RPTOR: variants seen among roughly 807,000 people sequenced by gnomAD.
The protein encoded by RPTOR is regulatory associated protein of MTOR complex 1, also known as regulatory-associated protein of mTOR.
A neutral mutation model predicts 169.9 loss-of-function variants in RPTOR; 21 were observed. The ratio of observed to expected loss-of-function variants is 0.12; its 90% CI spans 0.09 to 0.18. The LOEUF is 0.18. Ranked by LOEUF, RPTOR falls within the 10% of genes least tolerant of loss-of-function variation. The pLI is 1.00. For missense variants in RPTOR, 1,133 were observed against 1,855.9 expected, an observed-to-expected ratio of 0.61 and a Z score of 7.16; for synonymous variants, 732 against 753.2, an observed-to-expected ratio of 0.97 and a Z score of 0.46.
intron 1 of RPTOR, among the ~76,000 whole-genome samples, chr17:80,555,418 C>T (rs755647594): frequency 2.7e-4 from 41 of 152,220 alleles, no homozygotes; most frequent in African/African-American, 8.7e-4. Flanking sequence ...GATGCACCAC[C>T]GCCCACCCAG....
intron 9 of RPTOR, among the ~76,000 whole-genome samples, chr17:80,825,952 C>T (rs969867473): frequency 1.3e-5 from 2 of 152,110 alleles, no homozygotes; most frequent in Admixed American, 1.3e-4. Flanking sequence ...TGACACTGCT[C>T]GTGAGTGGAG....
intron 3 of RPTOR, among the ~76,000 whole-genome samples, chr17:80,689,395 G>A (rs1400567274): frequency 2.6e-5 from 4 of 152,232 alleles, no homozygotes; most frequent in African/African-American, 7.2e-5. Flanking sequence ...CCTGACATCC[G>A]TCTTTCCGAA....
At chr17:80,619,944 C>T (rs897007891) in intron 1 of RPTOR, among the ~76,000 whole-genome samples, 3 of 152,146 alleles carry the variant, frequency 2.0e-5, no homozygotes, top group African/African-American at 7.2e-5. Context: ...TCCAAAGTGC[C>T]GTGGAGATCT....
chr17:80,918,470 G>GAGCACCCTCGCCA (rs2068703647), intron 21 of RPTOR, among the ~76,000 whole-genome samples: 1 of 101,694 alleles, frequency 9.8e-6, no homozygotes, highest in Admixed American at 1.0e-4. Flanking sequence ...CACCCTCGCC[G>GAGCACCCTCGCCA]GAGTCATAGC....
intron 1 of RPTOR, among the ~76,000 whole-genome samples, chr17:80,548,223 A>G (rs185199867): frequency 7.3e-4 from 110 of 151,380 alleles, no homozygotes; most frequent in Middle Eastern, 3.4e-3. Context: ...AGCTGAGACT[A>G]TAAGTGTGCG....
intron 5 of RPTOR, among the ~76,000 whole-genome samples, chr17:80,739,377 C>T (rs555317102): frequency 1.4e-4 from 21 of 152,284 alleles, no homozygotes; most frequent in Admixed American, 9.1e-4. Context: ...AGTCCGTCTG[C>T]GCAGAAGGCA....
intron 13 of RPTOR, among the ~76,000 whole-genome samples, chr17:80,859,719 C>T (rs1474900379): frequency 4.6e-5 from 7 of 152,214 alleles, no homozygotes; most frequent in Admixed American, 2.0e-4. Context: ...GCTGTGTGCA[C>T]GTGTGTGCGG....
intron 4 of RPTOR, among the ~76,000 whole-genome samples, chr17:80,729,051 C>T (rs1036241071): frequency 6.6e-6 from 1 of 152,200 alleles, no homozygotes; most frequent in Admixed American, 6.5e-5. Context: ...CGTTGGTATA[C>T]TGTATCATCA....
intron 14 of RPTOR, 101 bp downstream of exon 14, chr17:80,880,590 GA>G: frequency 8.8e-7 from 1 of 1,135,338 alleles, no homozygotes; most frequent in East Asian, 2.5e-5. Flanking sequence ...GGCTACAGGA[GA>G]AAGGTCAAGG....
chr17:80,567,806 A>T (rs978376737), intron 1 of RPTOR, among the ~76,000 whole-genome samples: 2 of 148,286 alleles, frequency 1.3e-5, no homozygotes, highest in African/African-American at 2.6e-5. Flanking sequence ...AATAAATAAA[A>T]TAAATAAATA....
At chr17:80,892,426 C>T (rs2068337602) in intron 18 of RPTOR, among the ~76,000 whole-genome samples, 4 of 152,234 alleles carry the variant, frequency 2.6e-5, no homozygotes, top group Admixed American at 2.6e-4. Flanking sequence ...GAGCACGGCT[C>T]ACGGCCCACG....
intron 9 of RPTOR, among the ~76,000 whole-genome samples, chr17:80,836,431 A>T (rs2067565225): frequency 6.6e-6 from 1 of 152,152 alleles, no homozygotes; most frequent in Non-Finnish European, 1.5e-5. Context: ...GATGTCTGTA[A>T]TTCAGCGTGT....
intron 21 of RPTOR, among the ~76,000 whole-genome samples, chr17:80,913,142 T>A (rs1397020377): frequency 6.6e-6 from 1 of 152,214 alleles, no homozygotes; most frequent in Non-Finnish European, 1.5e-5. Flanking sequence ...AATGCCTTAT[T>A]TTCCTGCTCT....
At chr17:80,625,610 G>A (rs1442551995) in intron 1 of RPTOR, 81 bp from the exon 2 acceptor site, 1 of 1,105,672 alleles carries the variant, frequency 9.0e-7, no homozygotes, top group Admixed American at 1.8e-5. Flanking sequence ...AATGTTCTGG[G>A]GGACATTTTA....
intron 1 of RPTOR, among the ~76,000 whole-genome samples, chr17:80,552,727 G>A (rs4890042): frequency 0.97 from 147,231 of 152,386 alleles, 71,142 homozygotes; most frequent in East Asian, 1. Context: ...TGACGTTTTA[G>A]TTGAATGGCT....
chr17:80,717,566 C>T (rs1245025873), intron 4 of RPTOR, among the ~76,000 whole-genome samples: 1 of 152,126 alleles, frequency 6.6e-6, no homozygotes, highest in Non-Finnish European at 1.5e-5. Context: ...ATCTAGACAG[C>T]CATAAGCTGC....
intron 23 of RPTOR, among the ~76,000 whole-genome samples, chr17:80,924,528 C>T (rs2068787961): frequency 6.6e-6 from 1 of 152,170 alleles, no homozygotes; most frequent in Non-Finnish European, 1.5e-5. Flanking sequence ...GCTGCTCAGC[C>T]CCAGCCCACC....
At chr17:80,956,762 G>A (rs1568010025) in intron 28 of RPTOR, among the ~76,000 whole-genome samples, 1 of 152,106 alleles carries the variant, frequency 6.6e-6, no homozygotes, top group Non-Finnish European at 1.5e-5. Context: ...GACGTTCCGG[G>A]AAGGCACTGC....
chr17:80,831,853 G>GTTACTGTGTA (rs11280580), intron 9 of RPTOR, among the ~76,000 whole-genome samples: 2 of 151,158 alleles, frequency 1.3e-5, no homozygotes, highest in Admixed American at 1.3e-4. Context: ...ATCCCTGTGT[G>GTTACTGTGTA]TGCCTGTATG....
Sources: allele counts gnomAD v4.1 joint callset (sites outside exome capture counted in the v4.1 genomes callset), GRCh38; gene constraint gnomAD v4.1.1; transcripts MANE v1.5; gene names NCBI Gene and HGNC (gene_info 2026-07-23, HGNC 2026-07-21).